Variants in PHRF1 observed in about 807,000 individuals in gnomAD.
PHRF1 encodes PHD and ring finger domains 1, also known as PHD and RING finger domain-containing protein 1.
In PHRF1, 53 loss-of-function variants were observed where a neutral mutation model predicts 128.9. The observed-to-expected ratio is 0.41, with a 90% CI of 0.33 to 0.52. The LOEUF (loss-of-function observed/expected upper bound fraction) is 0.52. PHRF1 is among the 20% of genes least tolerant of loss of function. The probability of loss-of-function intolerance (pLI) is 0.21; values close to 1 mark genes in which losing one functional copy is unlikely to be tolerated. For missense variants in PHRF1, 2,503 were observed against 2,284.5 expected (o/e 1.10, Z -1.95); for synonymous variants, 1,178 against 980.6 (o/e 1.20, Z -3.76).
At position 610,518 on chromosome 11, in the gene PHRF1, G is replaced by T. The variant is rs779520257; in HGVS notation, c.4434G>T (p.Leu1478=). 1 of 1,603,892 alleles carries T rather than the reference G, an allele frequency of 6.2e-7. No homozygotes were observed. Among genetic ancestry groups the T allele is most frequent in the Non-Finnish European group, 8.5e-7 (1 of 1,178,652 alleles). The change falls in exon 16 of 18, where the codon CTG becomes CTT. Residue 1478 remains leucine, a synonymous_variant. Transcript: ENST00000264555. ...CCTCCCAGGTTTACAGCCCCGGCCT[G>T]CCGCCTGCCCCGGCCCAGCCCTCAA... ...TDPSQVYSPG[L]PPAPAQPSSI... is the part of the protein sequence containing the mutation.
rs368273584 is a variant in PHRF1, at chr11:608,938, G to A, written c.3482G>A (p.Arg1161Gln). 1.4e-5 allele frequency: 23 copies of A among 1,611,278 alleles called. 2 individuals carry two copies. In the Middle Eastern group the frequency reaches 5.0e-4, roughly 35 times the overall value. ...GCGTGGCCCCGAGACCGGAGGAAGC[G>A]GAGGTCCCGGTCCCCAAGCTCGGAG... Reference protein sequence around the residue: ...SVAWPRDRRKRRSRSPSSEHR... With the variant: ...SVAWPRDRRKQRSRSPSSEHR... Residue 1161 changes from arginine (R) to glutamine (Q), a missense_variant, in exon 14 of 18, where the codon CGG becomes CAG. By Grantham distance (43) the Arg-to-Gln change is conservative. Transcript: ENST00000264555.
Position 611,620 on chromosome 11 carries a change from A to C in PHRF1, c.4807-14A>C. On this transcript the variant is annotated splice_polypyrimidine_tract_variant and intron_variant, in intron 17 of 17. Transcript: ENST00000264555. Reference sequence around the variant, plus strand: ...ATGTGAAAGGGCATTTGGTGATTGCACCTCTTTCTCCAGATCTGCCACAGC... The same window carrying C: ...ATGTGAAAGGGCATTTGGTGATTGCCCCTCTTTCTCCAGATCTGCCACAGC... 2 of 1,612,780 alleles carry C rather than the reference A, an allele frequency of 1.2e-6. No homozygotes were observed. Among genetic ancestry groups the C allele is most frequent in the Non-Finnish European group, 1.7e-6 (2 of 1,179,790 alleles).
rs150201351 is a variant in PHRF1, at chr11:608,248, G to A, written c.2792G>A (p.Arg931Gln). 1.2e-3 allele frequency: 2,001 copies of A among 1,609,662 alleles called. 35 individuals are homozygous for A. Among genetic ancestry groups the A allele is most frequent in the Non-Finnish European group, 1.5e-4 (182 of 1,179,658 alleles). ...EPTESQGLAA[R>Q]LRRPSPPEPW... ...ACAGAGAGCCAGGGCCTGGCTGCCC[G>A]GCTGCGGAGGCCATCCCCCCCAGAG... Residue 931 changes from arginine (R) to glutamine (Q), a missense_variant, in exon 14 of 18, where the codon CGG (arginine) becomes CAG (glutamine). Coordinates refer to ENST00000264555, the MANE Select transcript of PHRF1 (RefSeq NM_001286581.2).
At chr11:603,788 G>A (rs564025500) in intron 10 of PHRF1, among the ~76,000 whole-genome samples, 16 of 129,384 alleles carry the variant, frequency 1.2e-4, no homozygotes, top group African/African-American at 4.5e-4. Context: ...AGGCTGGAGT[G>A]CAGTAGTATG....
At position 608,431 on chromosome 11, in the gene PHRF1, G is replaced by C. The variant is rs913457938; in HGVS notation, c.2975G>C (p.Arg992Pro). The C allele has an allele frequency of 6.2e-7, 1 of 1,609,640 alleles. No individual in the cohort carries two copies. Among genetic ancestry groups the C allele is most frequent in the Non-Finnish European group, 8.5e-7 (1 of 1,178,534 alleles). ...GTCGTGGAGCTCAGGCCCCCTTCCCGGTCCCGCTCCACATCCAGCTCCCGC... is the reference window on the plus strand; with the variant it reads ...GTCGTGGAGCTCAGGCCCCCTTCCCCGTCCCGCTCCACATCCAGCTCCCGC... Reference protein sequence around the residue: ...HRVVELRPPSRSRSTSSSRSR... With the variant: ...HRVVELRPPSPSRSTSSSRSR... Residue 992 changes from arginine (R) to proline (P), a missense_variant, in exon 14 of 18, where the codon CGG becomes CCG. Arg to Pro is a moderately radical substitution (Grantham distance 103). Transcript: ENST00000264555.
rs780491262 is a variant in PHRF1 at position 609,032 on chromosome 11, A to G, written c.3576A>G (p.Pro1192=). ...GGCCGCAGACCCGGTCCCATTCCCC[A>G]GAGAGGAAGGGGGCTGTGAGGGAGG... The part of the protein sequence containing the change: ...EKWPQTRSHS[P]ERKGAVREAS... The change falls in exon 14 of 18, where the codon CCA becomes CCG. Residue 1192 remains proline (P), a synonymous_variant. Transcript: ENST00000264555. 4.4e-6 allele frequency: 7 copies of G among 1,595,534 alleles called. No individual in the cohort carries two copies. The highest frequency in any genetic ancestry group is 4.3e-6 in the Non-Finnish European group (5 of 1,171,850).
intron 3 of PHRF1, among the ~76,000 whole-genome samples, chr11:586,698 C>G (rs114817139): frequency 2.8e-3 from 419 of 152,310 alleles, no homozygotes; most frequent in African/African-American, 9.6e-3. Flanking sequence ...AGCCTCAGAA[C>G]CACTCCGAAT....
In PHRF1 at chr11:608,157, G is replaced by A. The variant is rs774265229; in HGVS notation, c.2701G>A (p.Ala901Thr). The change falls in exon 14 of 18, where the codon GCC (alanine) becomes ACC (threonine). Residue 901 changes from alanine (A) to threonine (T), a missense_variant. Transcript: ENST00000264555. ...EPEPPLGPSS[A>T]MSKLRGAVAA... ...CGAACCCCCTCTCGGACCGTCCTCC[G>A]CCATGTCCAAGCTCCGGGGTGCAGT... 1.7e-5 allele frequency: 28 copies of A among 1,610,758 alleles called. No homozygotes were observed. The highest frequency in any genetic ancestry group is 1.5e-4 in the Admixed American group (9 of 60,002).
chr11:610,357 T>C lies in PHRF1; in HGVS notation c.4416+10T>C, dbSNP rs1254975488. On this transcript the variant is annotated intron_variant, in intron 15 of 17. Coordinates refer to ENST00000264555, the MANE Select transcript of PHRF1 (RefSeq NM_001286581.2). ...CACAGACCCCTCTCAGGTGGGTGTC[T>C]GGGCTGGAGGGCTGTGGGCCGTGGG... 2.3e-5 allele frequency: 35 copies of C among 1,554,792 alleles called. No individual in the cohort carries two copies. Among genetic ancestry groups the C allele is most frequent in the Middle Eastern group, 1.7e-4 (1 of 5,972 alleles).
At chr11:584,125 G>C (rs142224276) in intron 3 of PHRF1, among the ~76,000 whole-genome samples, 1 of 152,240 alleles carries the variant, frequency 6.6e-6, no homozygotes, top group Non-Finnish European at 1.5e-5. Flanking sequence ...TCCTTCCAGA[G>C]TTCGATGTTT....
At chr11:606,869 G>GC in intron 13 of PHRF1, 197 bp from the exon 14 acceptor site, 1 of 988,584 alleles carries the variant, frequency 1.0e-6, no homozygotes, top group Non-Finnish European at 1.4e-6. Flanking sequence ...ATGGCCTCAG[G>GC]CACTGTACTT....
chr11:592,739 G>A, intron 6 of PHRF1, 65 bp downstream of exon 6: 1 of 1,530,258 alleles, frequency 6.5e-7, no homozygotes, highest in Non-Finnish European at 9.0e-7. Flanking sequence ...GCGCAGGAGG[G>A]ATGCAGAGCC....
rs555491602 is a variant in PHRF1 at position 609,221 on chromosome 11, C to T, written c.3765C>T (p.Asp1255=). ...VLEVAAECEP[D]DLDLDYGDSV... is the part of the protein sequence containing the mutation. ...AGGTGGCAGCTGAGTGTGAGCCGGA[C>T]GACCTGGACCTGGATTATGGCGACT... is the stretch of plus-strand genomic sequence containing the variant. The change falls in exon 14 of 18, where the codon GAC becomes GAT. Residue 1255 remains aspartate, a synonymous_variant. Transcript: ENST00000264555. 89 of 1,610,026 alleles carry T rather than the reference C, an allele frequency of 5.5e-5. No homozygotes were observed. Among genetic ancestry groups the T allele is most frequent in the South Asian group, 2.9e-4 (26 of 91,088 alleles).
chr11:607,994 C>G lies in PHRF1; in HGVS notation c.2538C>G (p.Ser846Arg). The change falls in exon 14 of 18, where the codon AGC (serine) becomes AGG (arginine). Residue 846 changes from serine to arginine, a missense_variant. Ser to Arg is a moderately radical substitution (Grantham distance 110). Transcript: ENST00000264555. Reference protein sequence around the residue: ...TGSDSSAPGSSPERSGPGLLP... With the variant: ...TGSDSSAPGSRPERSGPGLLP... ...CCGACTCCAGCGCCCCTGGCAGCAG[C>G]CCCGAGAGGTCTGGCCCCGGCCTCC... 6.2e-7 allele frequency: 1 copy of G among 1,611,234 alleles called. No homozygotes were observed. Among genetic ancestry groups the G allele is most frequent in the Non-Finnish European group, 8.5e-7 (1 of 1,179,810 alleles).
chr11:581,538 T>A lies in PHRF1; in HGVS notation c.26T>A (p.Leu9His). The A allele has an allele frequency of 6.2e-7, 1 of 1,613,600 alleles. No homozygotes were observed. The highest frequency in any genetic ancestry group is 8.5e-7 in the Non-Finnish European group (1 of 1,179,868). MDDDSLDE[L>H]VARSPGPDGH... ...ATGGATGACGACAGCCTGGATGAGC[T>A]TGTGGCCCGGAGCCCAGGGCCGGAT... The change falls in exon 2 of 18, where the codon CTT becomes CAT. Residue 9 changes from leucine to histidine, a missense_variant. By Grantham distance (99) the Leu-to-His change is moderately conservative. Transcript: ENST00000264555.
At chr11:604,727 C>T (rs1307595364) in intron 10 of PHRF1, among the ~76,000 whole-genome samples, 2 of 152,200 alleles carry the variant, frequency 1.3e-5, no homozygotes, top group Non-Finnish European at 2.9e-5. Context: ...GTTGGCCAGG[C>T]TGGTCTCAAG....
rs1199820608 is a variant in PHRF1, at chr11:606,465, C to A, written c.1478C>A (p.Pro493Gln). 3 of 1,578,574 alleles carry A rather than the reference C, an allele frequency of 1.9e-6. No homozygotes were observed. Among genetic ancestry groups the A allele is most frequent in the South Asian group, 1.2e-5 (1 of 86,746 alleles). The change falls in exon 13 of 18, where the codon CCA becomes CAA. Residue 493 changes from proline to glutamine, a missense_variant. Coordinates refer to ENST00000264555, the MANE Select transcript of PHRF1 (RefSeq NM_001286581.2). The part of the protein sequence containing the change: ...LSRRRLPAAV[P>Q]EPDLEEEPVP... Reference sequence around the variant, plus strand: ...AGGAGGCGCCTCCCTGCCGCGGTGCCAGAGCCAGACTTGGAGGAGGAGCCA... The same window carrying A: ...AGGAGGCGCCTCCCTGCCGCGGTGCAAGAGCCAGACTTGGAGGAGGAGCCA...
intron 10 of PHRF1, among the ~76,000 whole-genome samples, chr11:602,319 T>C (rs1019855051): frequency 2.6e-5 from 4 of 152,160 alleles, no homozygotes; most frequent in African/African-American, 9.7e-5. Flanking sequence ...TTTGTGATGC[T>C]CAAACCGGGA....
chr11:611,669 G>T lies in PHRF1; in HGVS notation c.4842G>T (p.Val1614=). The T allele has an allele frequency of 6.2e-7, 1 of 1,613,218 alleles. No individual in the cohort carries two copies. The highest frequency in any genetic ancestry group is 2.2e-5 in the East Asian group (1 of 44,888). The part of the protein sequence containing the change: ...CHSKSGEINP[V]KVANLVKAYV... ...GCAAGAGTGGAGAGATCAACCCCGTGAAGGTGGCCAACCTGGTGAAGGCGT... is the reference window on the plus strand; with the variant it reads ...GCAAGAGTGGAGAGATCAACCCCGTTAAGGTGGCCAACCTGGTGAAGGCGT... Residue 1614 remains valine, a synonymous_variant, in exon 18 of 18, where the codon GTG becomes GTT. Transcript: ENST00000264555.
Sources: gnomAD v4.1 joint callset for allele counts (sites outside exome capture counted in the v4.1 genomes callset) on GRCh38, gnomAD v4.1.1 for gene constraint, MANE v1.5 for transcripts, NCBI Gene and HGNC (gene_info 2026-07-23, HGNC 2026-07-21) for gene names.